DOP1B: variants seen among roughly 807,000 people sequenced by gnomAD.
DOP1B encodes the protein protein DOP1B.
DOP1B carries 174 observed loss-of-function variants against 233.5 expected under a neutral mutation model. The ratio of observed to expected loss-of-function variants is 0.75; its 90% CI spans 0.66 to 0.85. The LOEUF is 0.85. DOP1B is among the 40% of genes least tolerant of loss of function. The pLI is 0.00. For synonymous variants in DOP1B, 1,190 were observed against 1,185.6 expected (o/e 1.00, Z -0.08); for missense variants, 2,652 against 2,846.6 (o/e 0.93, Z 1.56).
At position 36,235,867 on chromosome 21, in the gene DOP1B, G is replaced by T. The variant is rs1039095396; in HGVS notation, c.2623-1395G>T. 4.1e-5 allele frequency among the ~76,000 whole-genome samples: 6 copies of T among 147,980 alleles called. No individual in the cohort carries two copies. The East Asian group carries it at 8.5e-4, about 21-fold the overall frequency. On this transcript the variant is annotated intron_variant, in intron 15 of 36. Coordinates refer to ENST00000691173, the MANE Select transcript of DOP1B (RefSeq NM_001320714.2). ...CCATAGTGACAGCAAGGAAGTCGGG[G>T]GGGGGGCGGTCTACGTAGTCAAAAA...
intron 23 of DOP1B, among the ~76,000 whole-genome samples, chr21:36,257,923 G>T (rs2067125065): frequency 6.7e-6 from 1 of 149,108 alleles, no homozygotes; most frequent in South Asian, 2.2e-4. Flanking sequence ...ATAGATGTAG[G>T]TACGTAGGTA....
intron 2 of DOP1B, among the ~76,000 whole-genome samples, chr21:36,166,471 C>G (rs1442755896): frequency 6.6e-6 from 1 of 151,926 alleles, no homozygotes; most frequent in Non-Finnish European, 1.5e-5. Flanking sequence ...GAAACTGGTC[C>G]CTGGTGCCAA....
intron 13 of DOP1B, among the ~76,000 whole-genome samples, chr21:36,228,381 T>C (rs1438455106): frequency 6.6e-6 from 1 of 151,916 alleles, no homozygotes; most frequent in Non-Finnish European, 1.5e-5. Flanking sequence ...GAGAATCTCT[T>C]GAACCTGGGA....
chr21:36,159,376 A>G (rs1376359728), intron 1 of DOP1B, among the ~76,000 whole-genome samples: 1 of 152,124 alleles, frequency 6.6e-6, no homozygotes, highest in Admixed American at 6.5e-5. Flanking sequence ...GCTTGAACTC[A>G]GGAGGCGGAG....
At chr21:36,185,325 C>T (rs2066151717) in intron 2 of DOP1B, among the ~76,000 whole-genome samples, 1 of 152,176 alleles carries the variant, frequency 6.6e-6, no homozygotes, top group South Asian at 2.1e-4. Flanking sequence ...CACATCCTTA[C>T]CTTCTTTTCC....
intron 2 of DOP1B, among the ~76,000 whole-genome samples, chr21:36,176,222 A>G (rs2066028499): frequency 6.6e-6 from 1 of 151,868 alleles, no homozygotes; most frequent in African/African-American, 2.4e-5. Flanking sequence ...CAGCTTATTT[A>G]TGGGGCACTG....
chr21:36,255,499 C>T (rs1341569667), intron 23 of DOP1B, among the ~76,000 whole-genome samples: 2 of 151,298 alleles, frequency 1.3e-5, no homozygotes, highest in Middle Eastern at 6.8e-3. Flanking sequence ...GGCTGCAGTG[C>T]AGTGGCACAA....
Position 36,239,946 on chromosome 21 carries a change from A to G in DOP1B, c.3058A>G (p.Asn1020Asp). Residue 1020 changes from asparagine (N) to aspartate (D), a missense_variant, in exon 18 of 37, where the codon AAC becomes GAC. This residue lies in a region of DOP1B where 2,617 missense variants were observed against 2,794.3 expected (regional missense o/e 0.94). Transcript: ENST00000691173. ...CTCCATCCACTGCCTCAAGCAGGAG[A>G]ACTCGGCCGGTGAGCAGCCTGCACA... is the stretch of plus-strand genomic sequence containing the variant. Reference protein sequence around the residue: ...RTSIHCLKQENSADDLHRWFN... With the variant: ...RTSIHCLKQEDSADDLHRWFN... 6.2e-7 allele frequency: 1 copy of G among 1,609,420 alleles called. No homozygotes were observed. Among genetic ancestry groups the G allele is most frequent in the Non-Finnish European group, 8.5e-7 (1 of 1,178,916 alleles).
rs2066941635 is a variant in DOP1B, at chr21:36,245,203, C to G, written c.3223C>G (p.Pro1075Ala). 6.2e-7 allele frequency: 1 copy of G among 1,614,058 alleles called. No homozygotes were observed. The highest frequency in any genetic ancestry group is 8.5e-7 in the Non-Finnish European group (1 of 1,180,036). The change falls in exon 19 of 37, where the codon CCC becomes GCC. Residue 1075 changes from proline (P) to alanine (A), a missense_variant. This residue lies in a region of DOP1B where 2,617 missense variants were observed against 2,794.3 expected (regional missense o/e 0.94). Transcript: ENST00000691173. The surrounding 1 kb of genome is among the most constrained non-coding windows in gnomAD (Gnocchi z 5.5). The part of the protein sequence containing the change: ...EAIWAEVEKE[P>A]EKYPLRGELS... Reference sequence around the variant, plus strand: ...CATTTGGGCCGAAGTGGAGAAGGAGCCCGAGAAGTACCCGCTGCGAGGCGA... The same window carrying G: ...CATTTGGGCCGAAGTGGAGAAGGAGGCCGAGAAGTACCCGCTGCGAGGCGA...
At chr21:36,263,398 A>T in intron 24 of DOP1B, 148 bp from the exon 25 acceptor site, 1 of 667,716 alleles carries the variant, frequency 1.5e-6, no homozygotes, top group Non-Finnish European at 2.6e-6. Context: ...TAGCTCATGT[A>T]CATTGTAAGT....
At chr21:36,262,765 G>A (rs1459723849) in intron 24 of DOP1B, among the ~76,000 whole-genome samples, 6 of 151,868 alleles carry the variant, frequency 4.0e-5, no homozygotes, top group South Asian at 2.1e-4. Flanking sequence ...GTGTTGGCCC[G>A]CGCCTATACT....
intron 12 of DOP1B, among the ~76,000 whole-genome samples, chr21:36,226,967 A>T (rs1227093126): frequency 6.6e-6 from 1 of 152,072 alleles, no homozygotes; most frequent in Non-Finnish European, 1.5e-5. Flanking sequence ...GCACTTTGGG[A>T]GGCCGAGGTG....
intron 22 of DOP1B, 68 bp downstream of exon 22, chr21:36,251,352 G>A: frequency 6.5e-7 from 1 of 1,542,660 alleles, no homozygotes; most frequent in East Asian, 2.3e-5. Context: ...GAATCATGTG[G>A]AATCAAAGGT....
intron 6 of DOP1B, 68 bp from the exon 7 acceptor site, chr21:36,211,906 T>C (rs1209473991): frequency 1.9e-6 from 3 of 1,605,600 alleles, no homozygotes; most frequent in Non-Finnish European, 2.6e-6. Flanking sequence ...AAGGAAGGGC[T>C]GCGTGTCAAA....
At chr21:36,207,476 C>T (rs1394087201) in intron 4 of DOP1B, among the ~76,000 whole-genome samples, 4 of 150,940 alleles carry the variant, frequency 2.7e-5, no homozygotes, top group Non-Finnish European at 5.9e-5. Context: ...TGAGCCACCA[C>T]GCCCAGCCAA....
chr21:36,267,435 A>G (rs1323339617), intron 26 of DOP1B, among the ~76,000 whole-genome samples: 3 of 152,200 alleles, frequency 2.0e-5, no homozygotes, highest in Admixed American at 1.3e-4. Flanking sequence ...TGGCCAGTAT[A>G]GTAGCCGTTA....
Position 36,161,997 on chromosome 21 carries a change from CT to C in DOP1B, c.-26-2709del, listed in dbSNP as rs373809614. ...ATAGACCATATTTTGTGGATGGATG[CT>C]TGTCTTAGTTAATTCAGGCTGCTCC... On this transcript the variant is annotated intron_variant, in intron 1 of 36. Coordinates refer to ENST00000691173, the MANE Select transcript of DOP1B (RefSeq NM_001320714.2). 4.7e-3 allele frequency among the ~76,000 whole-genome samples: 714 copies of C among 152,296 alleles called. 4 individuals are homozygous for C. The highest frequency in any genetic ancestry group is 0.015 in the African/African-American group (606 of 41,574).
At chr21:36,237,199 G>A (rs1360233584) in intron 15 of DOP1B, 63 bp from the exon 16 acceptor site, 3 of 1,605,016 alleles carry the variant, frequency 1.9e-6, no homozygotes, top group East Asian at 2.2e-5. Flanking sequence ...ACTGAGTGAG[G>A]ATGTGAGCGG....
intron 32 of DOP1B, among the ~76,000 whole-genome samples, chr21:36,283,532 A>G (rs142839092): frequency 1.9e-4 from 29 of 152,352 alleles, no homozygotes; most frequent in East Asian, 5.8e-4. Context: ...AATATCTTGA[A>G]CACTTAAGAA....
Sources: allele counts gnomAD v4.1 joint callset (sites outside exome capture counted in the v4.1 genomes callset), GRCh38; gene constraint gnomAD v4.1.1; regional missense constraint gnomAD v4.1.1; non-coding constraint Gnocchi (gnomAD v3.1); transcripts MANE v1.5; gene names NCBI Gene and HGNC (gene_info 2026-07-23, HGNC 2026-07-21).